Variants in PTPRD observed in about 807,000 individuals in gnomAD.
PTPRD encodes protein tyrosine phosphatase receptor type D.
PTPRD carries 34 observed loss-of-function variants against 214.5 expected under a neutral mutation model. The observed-to-expected ratio is 0.16, with a 90% CI of 0.12 to 0.21. The LOEUF is 0.21. Among genes scored for constraint, PTPRD ranks in the 10% least tolerant of loss-of-function variants. The pLI is 1.00. For missense variants in PTPRD, 2,545 were observed against 2,398.7 expected, an observed-to-expected ratio of 1.06 and a Z score of -1.27; for synonymous variants, 1,128 against 845.7, an observed-to-expected ratio of 1.33 and a Z score of -5.79.
At chr9:10,321,492 C>T (rs1324259646) in intron 3 of PTPRD, among the ~76,000 whole-genome samples, 9 of 151,984 alleles carry the variant, frequency 5.9e-5, no homozygotes. Flanking sequence ...ATAAGATAAA[C>T]AAGATTAGGT....
At chr9:9,815,338 C>G (rs540039605) in intron 5 of PTPRD, among the ~76,000 whole-genome samples, 1 of 152,160 alleles carries the variant, frequency 6.6e-6, no homozygotes, top group South Asian at 2.1e-4. Context: ...AAACTGGACA[C>G]TTAACTTACA....
intron 11 of PTPRD, among the ~76,000 whole-genome samples, chr9:8,737,736 C>A (rs528737541): frequency 2.6e-5 from 4 of 152,204 alleles, no homozygotes; most frequent in Non-Finnish European, 5.9e-5. Flanking sequence ...CTGCTACCTC[C>A]GCCTCCTCAG....
intron 3 of PTPRD, among the ~76,000 whole-genome samples, chr9:10,049,493 T>C (rs1205091188): frequency 6.6e-6 from 1 of 152,058 alleles, no homozygotes; most frequent in Non-Finnish European, 1.5e-5. Flanking sequence ...CATCTGTTCC[T>C]TTTTCCACTT....
chr9:8,484,190 G>A lies in PTPRD; in HGVS notation c.3342C>T (p.Phe1114=), dbSNP rs61733195. The A allele has an allele frequency of 1.3e-3, 2,063 of 1,614,170 alleles. 25 individuals carry two copies. In the African/African-American group the frequency reaches 0.024, roughly 19 times the overall value. Reference sequence around the variant, plus strand: ...TGCCATCCAAGTTGGTCTTCCCAATGAAGGCAGGCTTGGTACGTAATACAT... The same window carrying A: ...TGCCATCCAAGTTGGTCTTCCCAATAAAGGCAGGCTTGGTACGTAATACAT... The part of the protein sequence containing the change: ...APDVLRTKPA[F]IGKTNLDGMI... The change falls in exon 30 of 46, where the codon TTC becomes TTT. Residue 1114 remains phenylalanine, a synonymous_variant. Coordinates refer to ENST00000381196, the MANE Select transcript of PTPRD (RefSeq NM_002839.4).
intron 2 of PTPRD, among the ~76,000 whole-genome samples, chr9:10,512,028 A>ATACGTGTG (rs1285737509): frequency 1.3e-5 from 1 of 74,450 alleles, no homozygotes; most frequent in Non-Finnish European, 2.4e-5. Flanking sequence ...GTATATATAT[A>ATACGTGTG]TGTATATATA....
chr9:8,978,578 C>T (rs1034550806), intron 11 of PTPRD, among the ~76,000 whole-genome samples: 2 of 152,168 alleles, frequency 1.3e-5, no homozygotes, highest in Admixed American at 6.6e-5. Context: ...ACCAAGTGCA[C>T]GCAGCCTTGA....
intron 9 of PTPRD, among the ~76,000 whole-genome samples, chr9:9,307,951 C>T (rs80214519): frequency 1.3e-5 from 2 of 152,106 alleles, no homozygotes; most frequent in African/African-American, 4.8e-5. Flanking sequence ...ACCCTCCCCA[C>T]GCTGTGTAAT....
intron 5 of PTPRD, among the ~76,000 whole-genome samples, chr9:9,907,866 G>A (rs543455357): frequency 1.3e-5 from 2 of 152,046 alleles, no homozygotes; most frequent in African/African-American, 2.4e-5. Flanking sequence ...ACTCATACCA[G>A]TAACATGTAT....
intron 9 of PTPRD, among the ~76,000 whole-genome samples, chr9:9,229,263 T>C (rs945575028): frequency 3.3e-5 from 5 of 152,134 alleles, no homozygotes; most frequent in Admixed American, 2.6e-4. Flanking sequence ...AGAGTAATAG[T>C]CCTGTAACTG....
At chr9:9,371,102 T>C (rs1168191981) in intron 9 of PTPRD, among the ~76,000 whole-genome samples, 7 of 152,158 alleles carry the variant, frequency 4.6e-5, no homozygotes, top group Non-Finnish European at 5.9e-5. Context: ...TGCCAGCCTT[T>C]GGTATCAGGA....
chr9:9,866,955 G>A (rs2064121408), intron 5 of PTPRD, among the ~76,000 whole-genome samples: 1 of 151,960 alleles, frequency 6.6e-6, no homozygotes, highest in Non-Finnish European at 1.5e-5. Flanking sequence ...ATACTAATTT[G>A]TTCTTTCATA....
chr9:10,340,428 G>A (rs2096917376), intron 3 of PTPRD, among the ~76,000 whole-genome samples: 1 of 151,824 alleles, frequency 6.6e-6, no homozygotes, highest in South Asian at 2.1e-4. Context: ...TATCACACCA[G>A]TGTGAGATTA....
rs1432521331 is a variant in PTPRD, at chr9:8,507,379, C to G, written c.1599G>C (p.Leu533Phe). 6.2e-7 allele frequency: 1 copy of G among 1,613,992 alleles called. No homozygotes were observed. The highest frequency in any genetic ancestry group is 1.1e-5 in the South Asian group (1 of 91,084). Reference sequence around the variant, plus strand: ...CTGAACGTGGAGGTGTCCAAGAGAGCAAAATACTTGTTTCAGACTCAGGTT... The same window carrying G: ...CTGAACGTGGAGGTGTCCAAGAGAGGAAAATACTTGTTTCAGACTCAGGTT... ...KAEPESETSILLSWTPPRSDT... is the reference protein window; with the variant it reads ...KAEPESETSIFLSWTPPRSDT... Residue 533 changes from leucine to phenylalanine, a missense_variant, in exon 22 of 46, where the codon TTG becomes TTC. Physicochemically the swap from Leu to Phe is conservative, Grantham distance 22 (BLOSUM62 0). Coordinates refer to ENST00000381196, the MANE Select transcript of PTPRD (RefSeq NM_002839.4).
intron 3 of PTPRD, among the ~76,000 whole-genome samples, chr9:10,144,256 C>A (rs960584781): frequency 7.2e-5 from 11 of 152,172 alleles, no homozygotes; most frequent in African/African-American, 1.9e-4. Context: ...TCAAAAAATT[C>A]TTTAATACTC....
intron 7 of PTPRD, among the ~76,000 whole-genome samples, chr9:9,644,276 G>A (rs2096070129): frequency 6.6e-6 from 1 of 152,126 alleles, no homozygotes; most frequent in South Asian, 2.1e-4. Flanking sequence ...GGGCAGGCTG[G>A]AACTGGGAGG....
chr9:10,060,928 CT>C (rs1380467049), intron 3 of PTPRD, among the ~76,000 whole-genome samples: 1 of 117,886 alleles, frequency 8.5e-6, no homozygotes, highest in East Asian at 2.2e-4. Context: ...TTCTTTCTTT[CT>C]TTCTTTCTTT....
At chr9:10,103,459 T>A (rs1704418745) in intron 3 of PTPRD, among the ~76,000 whole-genome samples, 1 of 148,314 alleles carries the variant, frequency 6.7e-6, no homozygotes, top group Non-Finnish European at 1.5e-5. Context: ...CACTATGGTT[T>A]AATTAGCAAA....
chr9:9,856,998 T>C (rs1273980945), intron 5 of PTPRD, among the ~76,000 whole-genome samples: 1 of 152,202 alleles, frequency 6.6e-6, no homozygotes, highest in Non-Finnish European at 1.5e-5. Context: ...TTCCTCTTTT[T>C]GACCTCTCAA....
chr9:9,798,597 T>C (rs1439265371), intron 5 of PTPRD, among the ~76,000 whole-genome samples: 1 of 152,180 alleles, frequency 6.6e-6, no homozygotes, highest in Non-Finnish European at 1.5e-5. Flanking sequence ...CTTCTGCTAT[T>C]TTTCTCAAAT....
Sources: gnomAD v4.1 joint callset for allele counts (sites outside exome capture counted in the v4.1 genomes callset) on GRCh38, gnomAD v4.1.1 for gene constraint, MANE v1.5 for transcripts, NCBI Gene and HGNC (gene_info 2026-07-23, HGNC 2026-07-21) for gene names.